Variants in ABCC4 observed in about 807,000 individuals in gnomAD.
ABCC4 encodes the protein ATP binding cassette subfamily C member 4 (PEL blood group).
In ABCC4, 102 loss-of-function variants were observed where a neutral mutation model predicts 168.5. The ratio of observed to expected loss-of-function variants is 0.61; its 90% CI spans 0.52 to 0.71. ABCC4 has a LOEUF of 0.71. ABCC4 is among the 30% of genes least tolerant of loss of function. The probability of loss-of-function intolerance (pLI) is 0.00; values close to 1 mark genes in which losing one functional copy is unlikely to be tolerated. For missense variants in ABCC4, 1,402 were observed against 1,605.8 expected (o/e 0.87, Z 2.17); for synonymous variants, 617 against 590.7 (o/e 1.04, Z -0.65).
intron 21 of ABCC4, among the ~76,000 whole-genome samples, chr13:95,077,862 C>T (rs2033959805): frequency 6.6e-6 from 1 of 152,096 alleles, no homozygotes; most frequent in African/African-American, 2.4e-5. Context: ...GCTGGGGTAC[C>T]AGTGTGCCAA....
At position 95,177,669 on chromosome 13, in the gene ABCC4, G is replaced by A. The variant is rs779242526; in HGVS notation, c.1727+38C>T. 3 of 1,568,174 alleles carry A rather than the reference G, an allele frequency of 1.9e-6. No homozygotes were observed. In the African/African-American group the frequency reaches 4.1e-5, roughly 21 times the overall value. On this transcript the variant is annotated intron_variant, in intron 13 of 30. Transcript: ENST00000645237. ...TCCTGAGCCAACTCGAAATGGCTCT[G>A]GAAAAGCAGAAATGACTTAAGACAC...
At chr13:95,062,519 GAA>G in intron 26 of ABCC4, among the ~76,000 whole-genome samples, 183 bp downstream of exon 26, 1 of 98,948 alleles carries the variant, frequency 1.0e-5, no homozygotes, top group African/African-American at 3.1e-5. Flanking sequence ...GAGAGAGAGA[GAA>G]ATGAACAAAG....
chr13:95,193,157 T>C (rs926116037), intron 9 of ABCC4, among the ~76,000 whole-genome samples: 2 of 149,940 alleles, frequency 1.3e-5, no homozygotes, highest in African/African-American at 4.9e-5. Flanking sequence ...GAGTCTGGAG[T>C]CTAGAGAGTT....
In ABCC4 at chr13:95,182,541, C is replaced by T. The variant is rs531190619; in HGVS notation, c.1545+4160G>A. Among the ~76,000 whole-genome samples the T allele has an allele frequency of 3.3e-5, 5 of 152,272 alleles. No homozygotes were observed. The East Asian group carries it at 9.6e-4, about 29-fold the overall frequency. On this transcript the variant is annotated intron_variant, in intron 11 of 30. Coordinates refer to ENST00000645237, the MANE Select transcript of ABCC4 (RefSeq NM_005845.5). The stretch of plus-strand genomic sequence containing the variant: ...ATATACTCAGATACATTCTTTCAAG[C>T]ATGTCACATTTCATGTGATTTTACC...
intron 28 of ABCC4, 48 bp from the exon 29 acceptor site, chr13:95,043,835 G>C (rs1212955532): frequency 7.6e-7 from 1 of 1,313,406 alleles, no homozygotes; most frequent in Admixed American, 1.7e-5. Context: ...GCAAAAAGTA[G>C]ACTTAAGACT....
At chr13:95,048,938 T>C (rs2032709211) in intron 27 of ABCC4, among the ~76,000 whole-genome samples, 1 of 152,232 alleles carries the variant, frequency 6.6e-6, no homozygotes, top group African/African-American at 2.4e-5. Flanking sequence ...AGAGTTGCTC[T>C]TATTTAGGGG....
chr13:95,179,780 G>A (rs1246113785), intron 11 of ABCC4, among the ~76,000 whole-genome samples: 2 of 152,044 alleles, frequency 1.3e-5, no homozygotes, highest in Non-Finnish European at 2.9e-5. Flanking sequence ...ACAAAGCCGG[G>A]GAGACAAAGC....
chr13:95,086,378 G>A (rs9561782), intron 20 of ABCC4, among the ~76,000 whole-genome samples: 1 of 152,106 alleles, frequency 6.6e-6, no homozygotes, highest in East Asian at 1.9e-4. Context: ...TAAAACCTCA[G>A]GACACAAAAT....
intron 1 of ABCC4, among the ~76,000 whole-genome samples, chr13:95,289,550 A>T (rs2041340012): frequency 6.6e-6 from 1 of 152,100 alleles, no homozygotes; most frequent in Non-Finnish European, 1.5e-5. Context: ...CTCTAACAAC[A>T]TCCCTGGCAC....
intron 4 of ABCC4, among the ~76,000 whole-genome samples, chr13:95,216,685 G>A (rs905873670): frequency 4.1e-5 from 6 of 146,434 alleles, no homozygotes; most frequent in African/African-American, 1.5e-4. Context: ...ATTACACAAA[G>A]CCATGTAAAT....
intron 19 of ABCC4, among the ~76,000 whole-genome samples, chr13:95,120,837 G>A (rs534728371): frequency 1.6e-4 from 25 of 152,328 alleles, no homozygotes; most frequent in South Asian, 2.1e-4. Flanking sequence ...GCCACATGGC[G>A]GGGCACAGAC....
At chr13:95,126,149 C>G (rs1195882957) in intron 19 of ABCC4, among the ~76,000 whole-genome samples, 2 of 152,152 alleles carry the variant, frequency 1.3e-5, no homozygotes, top group Non-Finnish European at 2.9e-5. Context: ...TGGGAATGTA[C>G]CACTTTAATC....
intron 20 of ABCC4, among the ~76,000 whole-genome samples, chr13:95,105,615 T>C (rs2034976060): frequency 6.6e-6 from 1 of 152,150 alleles, no homozygotes; most frequent in South Asian, 2.1e-4. Flanking sequence ...GAAAACCTCA[T>C]ACAACAAAGC....
At chr13:95,170,440 T>C in intron 14 of ABCC4, 92 bp downstream of exon 14, 1 of 718,050 alleles carries the variant, frequency 1.4e-6, no homozygotes, top group Non-Finnish European at 2.3e-6. Flanking sequence ...ATCCCAGCTC[T>C]GAGAAGAAAG....
At chr13:95,022,309 T>C (rs900602505) in intron 30 of ABCC4, among the ~76,000 whole-genome samples, 3 of 152,186 alleles carry the variant, frequency 2.0e-5, no homozygotes, top group African/African-American at 7.2e-5. Context: ...TGTAAGATGA[T>C]ACCAAATAAT....
chr13:95,134,779 C>A (rs930082041), intron 19 of ABCC4, among the ~76,000 whole-genome samples: 1 of 151,930 alleles, frequency 6.6e-6, no homozygotes, highest in Non-Finnish European at 1.5e-5. Flanking sequence ...AAATGATGCT[C>A]AGGGGAAGTG....
chr13:95,067,345 G>C (rs367635531), intron 25 of ABCC4, among the ~76,000 whole-genome samples: 2 of 152,152 alleles, frequency 1.3e-5, no homozygotes, highest in Non-Finnish European at 2.9e-5. Flanking sequence ...CAAAAAACCT[G>C]TAGGGTGGCA....
Position 95,261,940 on chromosome 13 carries a change from A to C in ABCC4, c.75-14187T>G, listed in dbSNP as rs536506403. The stretch of plus-strand genomic sequence containing the variant: ...TAGTGAGACCTTCTCTCCACACAAA[A>C]AAAAAAAAATTTAATTGGCTGGGCA... On this transcript the variant is annotated intron_variant, in intron 1 of 30. Coordinates refer to ENST00000645237, the MANE Select transcript of ABCC4 (RefSeq NM_005845.5). Among the ~76,000 whole-genome samples, 424 of 152,230 alleles carry C rather than the reference A, an allele frequency of 2.8e-3. 2 individuals carry two copies. The highest frequency in any genetic ancestry group is 9.3e-3 in the African/African-American group (388 of 41,526).
chr13:95,138,850 G>A (rs2036222314), intron 19 of ABCC4, among the ~76,000 whole-genome samples: 1 of 152,206 alleles, frequency 6.6e-6, no homozygotes, highest in African/African-American at 2.4e-5. Context: ...CCTGGCCTGG[G>A]CAGGCCCTCA....
Sources: allele counts gnomAD v4.1 joint callset (sites outside exome capture counted in the v4.1 genomes callset), GRCh38; gene constraint gnomAD v4.1.1; transcripts MANE v1.5; gene names NCBI Gene and HGNC (gene_info 2026-07-23, HGNC 2026-07-21).